Variants in PCDHGB4 observed in about 807,000 individuals in gnomAD.
PCDHGB4 encodes the protein protocadherin gamma-B4.
Under a neutral mutation model 60.5 loss-of-function variants are expected in PCDHGB4, and 38 were observed. That is an observed-to-expected ratio of 0.63 (90% CI 0.48 to 0.82). The LOEUF (loss-of-function observed/expected upper bound fraction) is 0.82, where lower values mean the gene tolerates loss of function less well. Ranked by LOEUF, PCDHGB4 falls within the 40% of genes least tolerant of loss-of-function variation. PCDHGB4 has a pLI of 0.00. For synonymous variants in PCDHGB4, 456 were observed against 509.7 expected (o/e 0.89, Z 1.42); for missense variants, 1,109 against 1,209.6 (o/e 0.92, Z 1.23).
chr5:141,394,361 G>T (rs2092984834), intron 1 of PCDHGB4: 2 of 1,614,190 alleles, frequency 1.2e-6, no homozygotes, highest in Non-Finnish European at 1.7e-6. Context: ...TCCTGTATGC[G>T]CTGCAATCTT....
intron 1 of PCDHGB4, chr5:141,419,226 C>T (rs560904796): frequency 1.9e-6 from 3 of 1,614,006 alleles, no homozygotes; most frequent in East Asian, 2.2e-5. Context: ...GGACAGTCAG[C>T]CTACCTGGTC....
chr5:141,419,177 C>T (rs1223789288), intron 1 of PCDHGB4: 8 of 1,613,862 alleles, frequency 5.0e-6, no homozygotes, highest in Admixed American at 1.7e-5. Flanking sequence ...AACCATAACC[C>T]TGCACATTAC....
chr5:141,448,621 T>C (rs2098597629), intron 1 of PCDHGB4, among the ~76,000 whole-genome samples: 1 of 152,168 alleles, frequency 6.6e-6, no homozygotes, highest in Admixed American at 6.5e-5. Flanking sequence ...TATATCTTCC[T>C]TTCTTCACAT....
chr5:141,442,232 T>A (rs1303447766), intron 1 of PCDHGB4: 2 of 153,276 alleles, frequency 1.3e-5, no homozygotes, highest in Non-Finnish European at 2.9e-5. Context: ...TTCCTTTTTA[T>A]TCTTCCTGAT....
intron 1 of PCDHGB4, among the ~76,000 whole-genome samples, chr5:141,448,274 T>G (rs2098579713): frequency 6.6e-6 from 1 of 152,196 alleles, no homozygotes; most frequent in South Asian, 2.1e-4. Context: ...TATATACTGT[T>G]GTGCAACTTG....
Position 141,408,894 on chromosome 5 carries a change from C to T in PCDHGB4, c.2397+18613C>T, listed in dbSNP as rs778126197. 71 of 1,613,186 alleles carry T rather than the reference C, an allele frequency of 4.4e-5. No homozygotes were observed. The Middle Eastern group carries it at 4.9e-4, about 11-fold the overall frequency. ...AGTGCCACCGCTCACATAGAAATTT[C>T]TGTCAAGGATACCAATGATAACCCC... On this transcript the variant is annotated intron_variant, in intron 1 of 3. Transcript: ENST00000519479.
intron 1 of PCDHGB4, chr5:141,400,205 C>CCACCACCA: frequency 6.2e-7 from 1 of 1,614,016 alleles, no homozygotes; most frequent in South Asian, 1.1e-5. Flanking sequence ...GTGGCCTTGG[C>CCACCACCA]CTTGATCTCA....
chr5:141,472,454 C>T (rs538141635), intron 1 of PCDHGB4, among the ~76,000 whole-genome samples: 3 of 151,192 alleles, frequency 2.0e-5, no homozygotes, highest in South Asian at 4.2e-4. Context: ...GCAGGAGAAT[C>T]GCTTGAACCC....
intron 1 of PCDHGB4, among the ~76,000 whole-genome samples, chr5:141,466,614 G>A (rs75804312): frequency 1.4e-3 from 218 of 152,142 alleles, no homozygotes; most frequent in Middle Eastern, 6.8e-3. Context: ...GTAAACTGCC[G>A]TTTTCTTTGG....
At chr5:141,418,499 G>A (rs775606988) in intron 1 of PCDHGB4, 1 of 1,613,962 alleles carries the variant, frequency 6.2e-7, no homozygotes, top group Non-Finnish European at 8.5e-7. Context: ...GGTACTGACC[G>A]CCTTAGATGG....
At chr5:141,453,521 T>A (rs1311886024) in intron 1 of PCDHGB4, among the ~76,000 whole-genome samples, 2 of 152,148 alleles carry the variant, frequency 1.3e-5, no homozygotes, top group Non-Finnish European at 2.9e-5. Flanking sequence ...TCCTCCCCTA[T>A]ACCTTCTGCC....
At chr5:141,463,108 T>G (rs1212278355) in intron 1 of PCDHGB4, among the ~76,000 whole-genome samples, 1 of 152,202 alleles carries the variant, frequency 6.6e-6, no homozygotes, top group Non-Finnish European at 1.5e-5. Flanking sequence ...CATCAAGAAT[T>G]CAGCTAATAG....
chr5:141,482,622 A>G (rs1197606374), intron 1 of PCDHGB4, among the ~76,000 whole-genome samples: 1 of 151,936 alleles, frequency 6.6e-6, no homozygotes, highest in Non-Finnish European at 1.5e-5. Context: ...AGCCTGGAGA[A>G]AGGAAGAAAT....
At chr5:141,481,813 G>C (rs185558948) in intron 1 of PCDHGB4, among the ~76,000 whole-genome samples, 1 of 151,824 alleles carries the variant, frequency 6.6e-6, no homozygotes, top group African/African-American at 2.4e-5. Flanking sequence ...TTCACCAGGC[G>C]TGGTGGCTGA....
chr5:141,490,419 G>C lies in PCDHGB4; in HGVS notation c.2398-4388G>C. The C allele has an allele frequency of 6.2e-7, 1 of 1,614,170 alleles. No homozygotes were observed. Among genetic ancestry groups the C allele is most frequent in the Non-Finnish European group, 8.5e-7 (1 of 1,180,020 alleles). ...TGAGCCTTGATATCTCTCCGGACCT[G>C]CCATTTCAGATTAAGCCTTCTGAGA... On this transcript the variant is annotated intron_variant, in intron 1 of 3. Transcript: ENST00000519479. The surrounding 1 kb of genome is among the most constrained non-coding windows in gnomAD (Gnocchi z 5.4).
rs764957747 is a variant in PCDHGB4, at chr5:141,505,453, G to A, written c.2517G>A (p.Leu839=). Residue 839 remains leucine (L), a synonymous_variant, in exon 3 of 4, where the codon CTG becomes CTA. Coordinates refer to ENST00000519479, the MANE Select transcript of PCDHGB4 (RefSeq NM_003736.4). ...ACAACCAGTTTGACACAGAGATGCT[G>A]CAAGCCATGATCTTGGCGTCCGCCA... ...WPNNQFDTEM[L]QAMILASASE... 3 of 1,614,190 alleles carry A rather than the reference G, an allele frequency of 1.9e-6. No individual in the cohort carries two copies. Among genetic ancestry groups the A allele is most frequent in the Non-Finnish European group, 2.5e-6 (3 of 1,180,012 alleles).
chr5:141,413,194 C>T lies in PCDHGB4; in HGVS notation c.2397+22913C>T, dbSNP rs749749411. ...GACTACAATGGCCGCTCAAAGGAAT[C>T]GCTCAAAGGAATCAAAGGATTGCAG... On this transcript the variant is annotated intron_variant, in intron 1 of 3. Coordinates refer to ENST00000519479, the MANE Select transcript of PCDHGB4 (RefSeq NM_003736.4). 5.3e-5 allele frequency: 85 copies of T among 1,607,784 alleles called. No individual in the cohort carries two copies. Among genetic ancestry groups the T allele is most frequent in the Non-Finnish European group, 7.0e-5 (82 of 1,176,492 alleles).
chr5:141,410,175 C>T (rs202065305), intron 1 of PCDHGB4: 5 of 1,613,752 alleles, frequency 3.1e-6, no homozygotes, highest in Non-Finnish European at 8.5e-7. Flanking sequence ...TCTGCCACCG[C>T]CACGCTTCAT....
chr5:141,387,936 T>G lies in PCDHGB4; in HGVS notation c.52T>G (p.Phe18Val), dbSNP rs200817766. 0.021 allele frequency: 31,224 copies of G among 1,475,552 alleles called. 381 individuals are homozygous for G. Among genetic ancestry groups the G allele is most frequent in the Non-Finnish European group, 0.026 (28,789 of 1,111,880 alleles). The allele number at this position is 1,475,552 out of a possible 1,614,324, so 91.4% of individuals were successfully genotyped here. The change falls in exon 1 of 4, where the codon TTT becomes GTT. Residue 18 changes from phenylalanine (F) to valine (V), a missense_variant. This residue lies in a region of PCDHGB4 where 41 missense variants were observed against 119.7 expected (regional missense o/e 0.34). Transcript: ENST00000519479. The part of the protein sequence containing the change: ...LGRAERLPVL[F>V]LFLLSLFCPA... ...CCGGGCTGAGAGGCTGCCAGTGCTC[T>G]TTCTCTTCCTGCTGTCTTTGTTCTG...
Sources: allele counts gnomAD v4.1 joint callset (sites outside exome capture counted in the v4.1 genomes callset), GRCh38; gene constraint gnomAD v4.1.1; regional missense constraint gnomAD v4.1.1; non-coding constraint Gnocchi (gnomAD v3.1); transcripts MANE v1.5; gene names NCBI Gene and HGNC (gene_info 2026-07-23, HGNC 2026-07-21).